CHM: variants seen among roughly 807,000 people sequenced by gnomAD.
CHM encodes rab proteins geranylgeranyltransferase component A 1.
In CHM, 10 loss-of-function variants were observed where a neutral mutation model predicts 49.0. The observed-to-expected ratio is 0.20, with a 90% CI of 0.13 to 0.35. CHM has a LOEUF of 0.35. Ranked by LOEUF, CHM falls within the 10% of genes least tolerant of loss-of-function variation. The pLI is 1.00. For synonymous variants in CHM, 184 were observed against 167.5 expected (o/e 1.10, Z -0.76); for missense variants, 455 against 478.4 (o/e 0.95, Z 0.46).
chrX:85,888,054 T>C (rs371946708), intron 12 of CHM, among the ~76,000 whole-genome samples: 8 of 112,164 alleles, frequency 7.1e-5, no homozygotes, highest in East Asian at 2.8e-4. Flanking sequence ...GTACATGTAA[T>C]GAGGAGCCAA....
chrX:85,974,792 T>C (rs1330416529), intron 4 of CHM, among the ~76,000 whole-genome samples: 2 of 110,402 alleles, frequency 1.8e-5, no homozygotes, highest in Non-Finnish European at 3.8e-5. Context: ...TTCTTAGACT[T>C]CACACCAAAA....
At chrX:85,976,552 G>A (rs1452347293) in intron 4 of CHM, among the ~76,000 whole-genome samples, 1 of 109,388 alleles carries the variant, frequency 9.1e-6, no homozygotes, top group Non-Finnish European at 1.9e-5. Context: ...AACCTGGGAG[G>A]CGGAGCTTGC....
At chrX:86,006,179 G>T (rs62607865) in intron 2 of CHM, among the ~76,000 whole-genome samples, 19,328 of 111,042 alleles carry the variant, frequency 0.17, 1,550 homozygotes, top group Non-Finnish European at 0.25. Context: ...ATTATCTCAA[G>T]AGGTGCAGAA....
intron 2 of CHM, among the ~76,000 whole-genome samples, chrX:85,997,534 C>T (rs1224413496): frequency 1.8e-5 from 2 of 111,462 alleles, no homozygotes; most frequent in Admixed American, 1.9e-4. Context: ...GATGCCAATA[C>T]AATGTCAAGT....
intron 8 of CHM, among the ~76,000 whole-genome samples, chrX:85,913,422 G>A (rs1410090215): frequency 4.2e-5 from 4 of 95,913 alleles, no homozygotes. Context: ...GACGGGAGAG[G>A]AGACTGGAGG....
chrX:85,897,356 TA>T (rs1196007155), intron 11 of CHM, among the ~76,000 whole-genome samples: 2 of 101,369 alleles, frequency 2.0e-5, no homozygotes, highest in African/African-American at 3.6e-5. Context: ...TGTGTCTGTT[TA>T]AAAAAAATGT....
chrX:85,956,055 A>C lies in CHM; in HGVS notation c.1166+98T>G, dbSNP rs562393580. On this transcript the variant is annotated intron_variant, in intron 8 of 14. Coordinates refer to ENST00000357749, the MANE Select transcript of CHM (RefSeq NM_000390.4). ...TAGAATAAAGTATATATTTGCATAT[A>C]CTAAATCTTGAATAAATCTCATTTT... 6.0e-5 allele frequency: 41 copies of C among 683,826 alleles called. 1 individual carries two copies. In the South Asian group the frequency reaches 9.2e-4, roughly 15 times the overall value. The allele number at this position is 683,826 out of a possible 1,213,427, so 56.4% of individuals were successfully genotyped here.
chrX:86,009,995 T>C (rs112992278), intron 2 of CHM, among the ~76,000 whole-genome samples: 204 of 109,899 alleles, frequency 1.9e-3, no homozygotes, highest in Middle Eastern at 9.3e-3. Context: ...CAACATGGAA[T>C]ACTATGCAGC....
chrX:86,039,154 A>G, intron 1 of CHM, among the ~76,000 whole-genome samples: 1 of 111,942 alleles, frequency 8.9e-6, no homozygotes, highest in Non-Finnish European at 1.9e-5. Flanking sequence ...GTTAGACAAT[A>G]TTTTTCATGT....
intron 2 of CHM, among the ~76,000 whole-genome samples, chrX:86,021,098 A>G (rs1314061487): frequency 3.2e-4 from 27 of 84,134 alleles, no homozygotes; most frequent in Non-Finnish European, 5.5e-4. Flanking sequence ...ATATACACAT[A>G]TATATACGTA....
intron 8 of CHM, 106 bp from the exon 9 acceptor site, chrX:85,911,444 A>T (rs1927024075): frequency 1.8e-5 from 6 of 325,950 alleles, no homozygotes; most frequent in Non-Finnish European, 2.2e-5. Context: ...ATTACAGAAA[A>T]AACATTTTGA....
chrX:85,889,644 A>G (rs1259473877), intron 12 of CHM, among the ~76,000 whole-genome samples: 1 of 112,114 alleles, frequency 8.9e-6, no homozygotes, highest in Non-Finnish European at 1.9e-5. Context: ...AGCAGTTTGG[A>G]GATTTCTCTA....
At chrX:86,045,627 CTG>C (rs969887211) in intron 1 of CHM, among the ~76,000 whole-genome samples, 55 of 111,815 alleles carry the variant, frequency 4.9e-4, no homozygotes, top group African/African-American at 1.7e-3. Flanking sequence ...GGCTCACTCA[CTG>C]TAACTTCCTA....
At chrX:85,881,096 G>A (rs1358778155) in intron 12 of CHM, among the ~76,000 whole-genome samples, 1 of 111,405 alleles carries the variant, frequency 9.0e-6, no homozygotes, top group Non-Finnish European at 1.9e-5. Flanking sequence ...ACTTAGAGTG[G>A]GTATTCAATA....
chrX:86,014,777 G>A (rs778304194), intron 2 of CHM, among the ~76,000 whole-genome samples: 1 of 112,272 alleles, frequency 8.9e-6, no homozygotes, highest in East Asian at 2.8e-4. Context: ...CAAAGACAGA[G>A]TGTGAAACAA....
intron 2 of CHM, among the ~76,000 whole-genome samples, chrX:86,022,252 T>A (rs1412801728): frequency 8.9e-6 from 1 of 112,019 alleles, no homozygotes; most frequent in Admixed American, 9.5e-5. Flanking sequence ...AACACAGATA[T>A]ATGGTATAAT....
chrX:85,868,426 C>T (rs1923845929), intron 14 of CHM, among the ~76,000 whole-genome samples: 1 of 111,243 alleles, frequency 9.0e-6, no homozygotes, highest in Non-Finnish European at 1.9e-5. Flanking sequence ...TTGCTAGAGA[C>T]ACGCAACCCC....
chrX:86,016,014 T>G (rs1019808718), intron 2 of CHM, among the ~76,000 whole-genome samples: 2 of 110,417 alleles, frequency 1.8e-5, no homozygotes, highest in Non-Finnish European at 3.8e-5. Context: ...GCACCTCTAA[T>G]CCTATCTACT....
chrX:85,922,268 T>C (rs1488288353), intron 8 of CHM, among the ~76,000 whole-genome samples: 1 of 112,810 alleles, frequency 8.9e-6, no homozygotes, highest in Non-Finnish European at 1.9e-5. Flanking sequence ...TGATCTACAG[T>C]ATAAAGTAAA....
Sources: gnomAD v4.1 joint callset for allele counts (sites outside exome capture counted in the v4.1 genomes callset) on GRCh38, gnomAD v4.1.1 for gene constraint, MANE v1.5 for transcripts, NCBI Gene and HGNC (gene_info 2026-07-23, HGNC 2026-07-21) for gene names.